Variants in XXYLT1 observed in about 807,000 individuals in gnomAD.
XXYLT1 encodes the protein xyloside xylosyltransferase 1, also known as UDP-xylose:alpha-xyloside alpha-1,3-xylosyltransferase.
Under a neutral mutation model 28.9 loss-of-function variants are expected in XXYLT1, and 20 were observed. The observed-to-expected ratio is 0.69, with a 90% CI of 0.49 to 1.00. The LOEUF (loss-of-function observed/expected upper bound fraction) is 1.00. Ranked by LOEUF, XXYLT1 falls within the 50% of genes least tolerant of loss-of-function variation. The pLI, the probability that XXYLT1 is intolerant of heterozygous loss-of-function variation, is 0.00. For synonymous variants in XXYLT1, 257 were observed against 253.8 expected (o/e 1.01, Z -0.12); for missense variants, 542 against 560.1 (o/e 0.97, Z 0.33).
At chr3:195,238,121 T>C (rs1724630488) in intron 1 of XXYLT1, among the ~76,000 whole-genome samples, 1 of 152,196 alleles carries the variant, frequency 6.6e-6, no homozygotes, top group South Asian at 2.1e-4. Context: ...TCTAAGCCGC[T>C]GCAATAGTGG....
At chr3:195,119,287 CAAA>C (rs11328657) in intron 3 of XXYLT1, among the ~76,000 whole-genome samples, 2,609 of 109,594 alleles carry the variant, frequency 0.024, 59 homozygotes, top group African/African-American at 0.082. Context: ...CCATCTCAAA[CAAA>C]AAAAAAAAAA....
intron 1 of XXYLT1, chr3:195,270,180 C>T (rs1429142329): frequency 2.0e-6 from 1 of 495,992 alleles, no homozygotes; most frequent in Admixed American, 2.5e-5. Context: ...CTACTGGTGA[C>T]CAGTCCCATC....
chr3:195,270,883 C>A lies in XXYLT1; in HGVS notation c.176G>T (p.Arg59Leu), dbSNP rs2108865044. The change falls in exon 1 of 4, where the codon CGC becomes CTC. Residue 59 changes from arginine (R) to leucine (L), a missense_variant. By Grantham distance (102) the Arg-to-Leu change is moderately radical (BLOSUM62 -2). Coordinates refer to ENST00000310380, the MANE Select transcript of XXYLT1 (RefSeq NM_152531.5). ...SSATKRLKEA[R>L]AGAPAAPSPP... ...CGAGGGCGCGGCGGGAGCCCCGGCG[C>A]GGGCCTCCTTCAGCCTCTTGGTGGC... 7.0e-7 allele frequency: 1 copy of A among 1,428,516 alleles called. No homozygotes were observed. Among genetic ancestry groups the A allele is most frequent in the East Asian group, 3.1e-5 (1 of 32,700 alleles). The allele number at this position is 1,428,516 out of a possible 1,614,324, so 88.5% of individuals were successfully genotyped here.
intron 2 of XXYLT1, among the ~76,000 whole-genome samples, chr3:195,183,231 C>T (rs1048877292): frequency 3.3e-5 from 5 of 152,166 alleles, no homozygotes; most frequent in Admixed American, 2.0e-4. Flanking sequence ...CCCCACGCAT[C>T]GTGAGAGGGA....
chr3:195,070,819 G>A (rs932319750), intron 3 of XXYLT1, among the ~76,000 whole-genome samples: 1 of 152,176 alleles, frequency 6.6e-6, no homozygotes, highest in African/African-American at 2.4e-5. Context: ...CATGGGTTAG[G>A]GTGAAAGACA....
In XXYLT1 at chr3:195,069,439, CT is replaced by C; in HGVS notation, c.*275del. 2.3e-6 allele frequency: 1 copy of C among 425,642 alleles called. No individual in the cohort carries two copies. The highest frequency in any genetic ancestry group is 4.2e-6 in the Non-Finnish European group (1 of 240,236). The allele number at this position is 425,642 out of a possible 1,614,324, so 26.4% of individuals were successfully genotyped here. A position where few individuals can be genotyped will look rare whatever the true frequency, so the allele number is the denominator to read the frequency against. On this transcript the variant is annotated 3_prime_UTR_variant, in exon 4 of 4. Coordinates refer to ENST00000310380, the MANE Select transcript of XXYLT1 (RefSeq NM_152531.5). ...GGGGACCCTTTCTCCCCTTCCTTCTCTTCAAGTGCTTGCTTCCCAGCCCACT... is the reference window on the plus strand; with the variant it reads ...GGGGACCCTTTCTCCCCTTCCTTCTCTCAAGTGCTTGCTTCCCAGCCCACT...
chr3:195,234,781 G>T (rs553380210), intron 1 of XXYLT1, among the ~76,000 whole-genome samples: 256 of 152,194 alleles, frequency 1.7e-3, no homozygotes, highest in Non-Finnish European at 2.8e-3. Context: ...CTACTTTTAG[G>T]ATCCTTTCTT....
intron 3 of XXYLT1, among the ~76,000 whole-genome samples, chr3:195,107,051 A>C (rs555400796): frequency 1.3e-3 from 194 of 152,300 alleles, no homozygotes; most frequent in African/African-American, 4.5e-3. Flanking sequence ...ATAAATCCCA[A>C]ACACACACAG....
intron 3 of XXYLT1, among the ~76,000 whole-genome samples, chr3:195,123,289 AG>A (rs1718457596): frequency 6.6e-6 from 1 of 152,016 alleles, no homozygotes; most frequent in African/African-American, 2.4e-5. Context: ...GCACAGCATA[AG>A]GGGCTGCCTA....
intron 3 of XXYLT1, among the ~76,000 whole-genome samples, chr3:195,143,795 TATATAGATAGATATATATAGATATAG>T (rs1719621477): frequency 8.6e-6 from 1 of 116,408 alleles, no homozygotes; most frequent in Non-Finnish European, 1.7e-5. Context: ...TATATATATA[TATATAGATAGATATATATAGATATAG>T]ATATATATAG....
intron 1 of XXYLT1, among the ~76,000 whole-genome samples, chr3:195,236,220 C>G (rs187356759): frequency 6.6e-6 from 1 of 152,264 alleles, no homozygotes; most frequent in South Asian, 2.1e-4. Context: ...TCCAGAGATG[C>G]TATCTGTGAG....
chr3:195,081,879 A>T (rs1267706359), intron 3 of XXYLT1, among the ~76,000 whole-genome samples: 1 of 152,122 alleles, frequency 6.6e-6, no homozygotes, highest in African/African-American at 2.4e-5. Context: ...GCCTGGGCAA[A>T]TCACTTCCCC....
In XXYLT1 at chr3:195,150,497, A is replaced by G. The variant is rs568161452; in HGVS notation, c.785+5952T>C. Among the ~76,000 whole-genome samples, 1 of 152,228 alleles carries G rather than the reference A, an allele frequency of 6.6e-6. No individual in the cohort carries two copies. Among genetic ancestry groups the G allele is most frequent in the South Asian group, 2.1e-4 (1 of 4,834 alleles). On this transcript the variant is annotated intron_variant, in intron 3 of 3. Coordinates refer to ENST00000310380, the MANE Select transcript of XXYLT1 (RefSeq NM_152531.5). This position sits in a 1 kb window ranked among gnomAD's most constrained non-coding sequence, Gnocchi z 4.7. ...TGGCACAGCACCATCAGCAAATAAA[A>G]CCATGTGACTTAAAAAGGTGAACGA... is the stretch of plus-strand genomic sequence containing the variant.
At position 195,247,091 on chromosome 3, in the gene XXYLT1, C is replaced by A. The variant is rs140582475; in HGVS notation, c.505-20235G>T. Among the ~76,000 whole-genome samples the A allele has an allele frequency of 6.6e-3, 1,002 of 152,250 alleles. 12 individuals carry two copies. Among genetic ancestry groups the A allele is most frequent in the African/African-American group, 0.023 (969 of 41,526 alleles). On this transcript the variant is annotated intron_variant, in intron 1 of 3. Transcript: ENST00000310380. ...CTATAAATCATGTTTTGCTTTTTGA[C>A]ATTTAATACTAAATTTTCCGGACAG...
Position 195,212,309 on chromosome 3 carries a change from G to C in XXYLT1, c.652+14400C>G, listed in dbSNP as rs78827724. Among the ~76,000 whole-genome samples, 239 of 152,316 alleles carry C rather than the reference G, an allele frequency of 1.6e-3. 9 individuals are homozygous for C. In the East Asian group the frequency reaches 0.031, roughly 20 times the overall value. Reference sequence around the variant, plus strand: ...GATCGGATCCGACAGGATGGGATGCGAGGATCTGCCACTGGGAAGAAAAGG... The same window carrying C: ...GATCGGATCCGACAGGATGGGATGCCAGGATCTGCCACTGGGAAGAAAAGG... On this transcript the variant is annotated intron_variant, in intron 2 of 3. Transcript: ENST00000310380.
Position 195,271,127 on chromosome 3 carries a change from G to A in XXYLT1, c.-69C>T, listed in dbSNP as rs1420560377. ...AGCCCTCGGGTACCCGGACGCCGGC[G>A]GCCACTTAGCCCCGGCGCCAGGCGG... On this transcript the variant is annotated 5_prime_UTR_variant, in exon 1 of 4. Transcript: ENST00000310380. 25 of 1,272,768 alleles carry A rather than the reference G, an allele frequency of 2.0e-5. No individual in the cohort carries two copies. The East Asian group carries it at 6.8e-4, about 35-fold the overall frequency. 78.8% of individuals were successfully genotyped at this position (1,272,768 alleles called of 1,614,324 possible). A position where few individuals can be genotyped will look rare whatever the true frequency, so the allele number is the denominator to read the frequency against.
chr3:195,208,282 C>T lies in XXYLT1; in HGVS notation c.652+18427G>A, dbSNP rs77235340. 1.4e-4 allele frequency among the ~76,000 whole-genome samples: 21 copies of T among 152,124 alleles called. No individual in the cohort carries two copies. The East Asian group carries it at 3.5e-3, about 25-fold the overall frequency. ...AGAAAGTGAAGTTGTGAGGGCAAAC[C>T]GCACATCTGACTCACATCTGTTCCC... is the stretch of plus-strand genomic sequence containing the variant. On this transcript the variant is annotated intron_variant, in intron 2 of 3. Transcript: ENST00000310380.
chr3:195,112,345 C>G lies in XXYLT1; in HGVS notation c.786-42234G>C, dbSNP rs368526091. On this transcript the variant is annotated intron_variant, in intron 3 of 3. Coordinates refer to ENST00000310380, the MANE Select transcript of XXYLT1 (RefSeq NM_152531.5). ...CCACACTGATCCACTCTGCTCAGTT[C>G]TGAGGCAACTCGGGGCAGGGCCATC... Among the ~76,000 whole-genome samples the G allele has an allele frequency of 3.3e-5, 5 of 152,332 alleles. No individual in the cohort carries two copies. The South Asian group carries it at 1.0e-3, about 32-fold the overall frequency.
chr3:195,213,494 C>A (rs1218495116), intron 2 of XXYLT1, among the ~76,000 whole-genome samples: 1 of 152,080 alleles, frequency 6.6e-6, no homozygotes, highest in African/African-American at 2.4e-5. Context: ...AAACTCCCAA[C>A]CTCAGGTGAT....
Sources: allele counts gnomAD v4.1 joint callset (sites outside exome capture counted in the v4.1 genomes callset), GRCh38; gene constraint gnomAD v4.1.1; non-coding constraint Gnocchi (gnomAD v3.1); transcripts MANE v1.5; gene names NCBI Gene and HGNC (gene_info 2026-07-23, HGNC 2026-07-21).